Variants in PXDN observed in about 807,000 individuals in gnomAD.
PXDN encodes peroxidasin homolog.
A neutral mutation model predicts 140.3 loss-of-function variants in PXDN; 77 were observed. The ratio of observed to expected loss-of-function variants is 0.55; its 90% CI spans 0.46 to 0.66. The LOEUF is 0.66. Among genes scored for constraint, PXDN ranks in the 30% least tolerant of loss-of-function variants. The pLI is 0.00. For synonymous variants in PXDN, 911 were observed against 857.4 expected, an observed-to-expected ratio of 1.06 and a Z score of -1.09; for missense variants, 1,838 against 2,039.5, an observed-to-expected ratio of 0.90 and a Z score of 1.90.
In PXDN at chr2:1,687,671, T is replaced by C; in HGVS notation, c.377A>G (p.Asp126Gly). Reference protein sequence around the residue: ...YLYKNEIQSIDRQAFKGLASL... With the variant: ...YLYKNEIQSIGRQAFKGLASL... The stretch of plus-strand genomic sequence containing the variant: ...GGCAAGTCCCTTAAATGCTTGCCTG[T>C]CAATTGACTGGATCTCATTCTTGTA... The change falls in exon 4 of 23, where the codon GAC (aspartate) becomes GGC (glycine). Residue 126 changes from aspartate to glycine, a missense_variant. Asp to Gly is a moderately conservative substitution (Grantham distance 94, BLOSUM62 -1). Transcript: ENST00000252804. This position sits in a 1 kb window ranked among gnomAD's most constrained non-coding sequence, Gnocchi z 4.0. 2 of 1,534,564 alleles carry C rather than the reference T, an allele frequency of 1.3e-6. No individual in the cohort carries two copies. The highest frequency in any genetic ancestry group is 1.8e-6 in the Non-Finnish European group (2 of 1,111,056).
chr2:1,634,328 A>T lies in PXDN; in HGVS notation c.4321-5T>A. 1 of 1,574,238 alleles carries T rather than the reference A, an allele frequency of 6.4e-7. No homozygotes were observed. The highest frequency in any genetic ancestry group is 8.6e-7 in the Non-Finnish European group (1 of 1,159,274). On this transcript the variant is annotated splice_region_variant and splice_polypyrimidine_tract_variant and intron_variant, in intron 22 of 22. Coordinates refer to ENST00000252804, the MANE Select transcript of PXDN (RefSeq NM_012293.3). ...GAAGCAGGTGACCTGCCCGTCCTGG[A>T]GAAGAGAGACGGAGCACAGCCTGTC...
intron 1 of PXDN, among the ~76,000 whole-genome samples, chr2:1,701,932 T>C (rs1458807649): frequency 6.6e-6 from 1 of 152,134 alleles, no homozygotes; most frequent in Non-Finnish European, 1.5e-5. Flanking sequence ...AGACACCCAA[T>C]TGGCTGGTGC....
chr2:1,636,280 T>C (rs186151455), intron 21 of PXDN: 1 of 152,686 alleles, frequency 6.5e-6, no homozygotes, highest in Non-Finnish European at 1.5e-5. Context: ...AAATTATTTA[T>C]CATAAATATC....
chr2:1,733,094 G>T (rs1360103953), intron 1 of PXDN, among the ~76,000 whole-genome samples: 1 of 152,152 alleles, frequency 6.6e-6, no homozygotes, highest in Non-Finnish European at 1.5e-5. Context: ...GGATGAGAGA[G>T]CTGTGGCCTA....
intron 1 of PXDN, among the ~76,000 whole-genome samples, chr2:1,700,138 T>C (rs971863261): frequency 6.6e-6 from 1 of 152,164 alleles, no homozygotes; most frequent in Non-Finnish European, 1.5e-5. Context: ...CTCAGGTCAC[T>C]GCAACCACCG....
At chr2:1,724,106 C>A (rs903773127) in intron 1 of PXDN, among the ~76,000 whole-genome samples, 2 of 152,222 alleles carry the variant, frequency 1.3e-5, no homozygotes, top group Admixed American at 1.3e-4. Flanking sequence ...GAAACACAGA[C>A]ACTGTCGCAT....
chr2:1,681,503 C>A (rs554911331), intron 6 of PXDN, among the ~76,000 whole-genome samples: 1 of 151,200 alleles, frequency 6.6e-6, no homozygotes, highest in African/African-American at 2.4e-5. Flanking sequence ...GATGGGATCC[C>A]GAGAGGTGCT....
chr2:1,643,964 C>T (rs900034810), intron 18 of PXDN, among the ~76,000 whole-genome samples: 4 of 145,800 alleles, frequency 2.7e-5, no homozygotes, highest in East Asian at 2.1e-4. Context: ...CCCAGCTACT[C>T]GGGAGGATGA....
chr2:1,634,186 G>C lies in PXDN; in HGVS notation c.*18C>G, dbSNP rs1682486024. ...CACGATGGCACAGCAGACAAACTCT[G>C]AGGAGCCTCCCAGGAGCCTAGGGCT... On this transcript the variant is annotated 3_prime_UTR_variant, in exon 23 of 23. Transcript: ENST00000252804. 1 of 1,559,584 alleles carries C rather than the reference G, an allele frequency of 6.4e-7. No homozygotes were observed. The highest frequency in any genetic ancestry group is 8.7e-7 in the Non-Finnish European group (1 of 1,151,212).
chr2:1,680,449 C>A, intron 6 of PXDN, 87 bp from the exon 7 acceptor site: 1 of 1,513,304 alleles, frequency 6.6e-7, no homozygotes, highest in South Asian at 1.1e-5. Context: ...GGTCCCGCGT[C>A]GGGAAACATG....
At chr2:1,695,153 A>G (rs540402448) in intron 1 of PXDN, among the ~76,000 whole-genome samples, 171 of 152,356 alleles carry the variant, frequency 1.1e-3, no homozygotes, top group African/African-American at 3.8e-3. Flanking sequence ...GCTGGAAAGC[A>G]AGATGTGGAC....
At chr2:1,732,618 G>C (rs1295887105) in intron 1 of PXDN, among the ~76,000 whole-genome samples, 1 of 152,174 alleles carries the variant, frequency 6.6e-6, no homozygotes, top group Non-Finnish European at 1.5e-5. Context: ...TTAAAAGCAA[G>C]ACCTTAAAGA....
At chr2:1,637,870 G>GGATGTAC (rs1558482526) in intron 21 of PXDN, among the ~76,000 whole-genome samples, 1 of 11,832 alleles carries the variant, frequency 8.5e-5, no homozygotes, top group African/African-American at 1.5e-4. Flanking sequence ...GCTGCCTGGG[G>GGATGTAC]ACTTGCACCT....
At position 1,649,679 on chromosome 2, in the gene PXDN, G is replaced by T. The variant is rs779668723; in HGVS notation, c.2105-4C>A. 1.9e-6 allele frequency: 3 copies of T among 1,613,724 alleles called. No individual in the cohort carries two copies. In the East Asian group the frequency reaches 6.7e-5, roughly 36 times the overall value. ...ACCAGGTCGTTGTAGTGGTAACCTG[G>T]GACGTGGAGAAAAGCAAGACGCACT... On this transcript the variant is annotated splice_polypyrimidine_tract_variant and splice_region_variant and intron_variant, in intron 16 of 22. Coordinates refer to ENST00000252804, the MANE Select transcript of PXDN (RefSeq NM_012293.3). The surrounding 1 kb of genome is among the most constrained non-coding windows in gnomAD (Gnocchi z 7.1).
intron 1 of PXDN, among the ~76,000 whole-genome samples, chr2:1,738,298 G>A (rs1685463688): frequency 6.6e-6 from 1 of 152,202 alleles, no homozygotes; most frequent in South Asian, 2.1e-4. Flanking sequence ...CCAGAGGCCA[G>A]CATTAGCTTC....
intron 1 of PXDN, among the ~76,000 whole-genome samples, chr2:1,720,264 A>G (rs1317588876): frequency 7.8e-5 from 10 of 128,816 alleles, no homozygotes; most frequent in African/African-American, 2.7e-4. Flanking sequence ...AGAGAGAGAG[A>G]GAGAGAGGGA....
At chr2:1,731,209 G>A (rs536116049) in intron 1 of PXDN, among the ~76,000 whole-genome samples, 54 of 151,902 alleles carry the variant, frequency 3.6e-4, no homozygotes, top group South Asian at 2.5e-3. Context: ...TTTTAAGAGA[G>A]CGAGCAATAA....
At chr2:1,699,061 G>A (rs76683440) in intron 1 of PXDN, among the ~76,000 whole-genome samples, 6,108 of 152,112 alleles carry the variant, frequency 0.04, 377 homozygotes, top group East Asian at 0.29. Flanking sequence ...TGTTTGGAAC[G>A]AAACATCAAA....
chr2:1,684,236 T>TAGGAAAAA, intron 4 of PXDN, 85 bp from the exon 5 acceptor site: 3 of 1,132,428 alleles, frequency 2.6e-6, no homozygotes, highest in Non-Finnish European at 3.9e-6. Flanking sequence ...TTCCTAGTCA[T>TAGGAAAAA]TTCAAATTCA....
Sources: gnomAD v4.1 joint callset for allele counts (sites outside exome capture counted in the v4.1 genomes callset) on GRCh38, gnomAD v4.1.1 for gene constraint, Gnocchi (gnomAD v3.1) non-coding constraint, MANE v1.5 for transcripts, NCBI Gene and HGNC (gene_info 2026-07-23, HGNC 2026-07-21) for gene names.